Variants in SPTBN1 observed in about 807,000 individuals in gnomAD.
The protein encoded by SPTBN1 is spectrin beta chain, non-erythrocytic 1.
SPTBN1 carries 32 observed loss-of-function variants against 266.4 expected under a neutral mutation model. The ratio of observed to expected loss-of-function variants is 0.12; its 90% CI spans 0.09 to 0.16. The LOEUF (loss-of-function observed/expected upper bound fraction) is 0.16, where lower values mean the gene tolerates loss of function less well. SPTBN1 is among the 10% of genes least tolerant of loss of function. The pLI is 1.00. For synonymous variants in SPTBN1, 1,336 were observed against 1,162.2 expected (o/e 1.15, Z -3.04); for missense variants, 2,296 against 3,067.1 (o/e 0.75, Z 5.94).
intron 1 of SPTBN1, among the ~76,000 whole-genome samples, chr2:54,483,782 T>C (rs1000739221): frequency 6.6e-6 from 1 of 152,222 alleles, no homozygotes; most frequent in Non-Finnish European, 1.5e-5. Flanking sequence ...GAGTTTCTCC[T>C]GTTTTGTCAT....
At chr2:54,464,753 G>A (rs147790706) in intron 1 of SPTBN1, among the ~76,000 whole-genome samples, 31 of 152,070 alleles carry the variant, frequency 2.0e-4, no homozygotes, top group Non-Finnish European at 2.9e-5. Context: ...GCATTGGCAC[G>A]AACATGGCTC....
chr2:54,586,822 G>T (rs1287947279), intron 2 of SPTBN1, among the ~76,000 whole-genome samples: 1 of 152,194 alleles, frequency 6.6e-6, no homozygotes. Flanking sequence ...AATTGGTACT[G>T]TTATCTTGTT....
intron 1 of SPTBN1, among the ~76,000 whole-genome samples, chr2:54,517,748 C>G (rs1670196122): frequency 6.6e-6 from 1 of 151,870 alleles, no homozygotes; most frequent in Non-Finnish European, 1.5e-5. Flanking sequence ...CGGGTTCAAG[C>G]AATTCTGCTG....
rs764427649 is a variant in SPTBN1 at position 54,667,605 on chromosome 2, C to T, written c.6835C>T (p.Leu2279=). Residue 2279 remains leucine (L), a splice_region_variant and synonymous_variant, in exon 35 of 36, where the codon CTA becomes TTA. Transcript: ENST00000356805. ...KKKKHVFKLR[L]NDGNEYLFQA... is the part of the protein sequence containing the mutation. ...TAACTTTCTTCCTTGAAATTACAGACTAAATGATGGCAATGAGTACCTCTT... is the reference window on the plus strand; with the variant it reads ...TAACTTTCTTCCTTGAAATTACAGATTAAATGATGGCAATGAGTACCTCTT... 6 of 1,613,786 alleles carry T rather than the reference C, an allele frequency of 3.7e-6. No homozygotes were observed. The East Asian group carries it at 6.7e-5, about 18-fold the overall frequency.
At chr2:54,556,396 G>A (rs1232733784) in intron 2 of SPTBN1, among the ~76,000 whole-genome samples, 1 of 152,170 alleles carries the variant, frequency 6.6e-6, no homozygotes, top group African/African-American at 2.4e-5. Flanking sequence ...ATCATATTAT[G>A]TGCAACCTGG....
chr2:54,577,184 G>A (rs1558860703), intron 2 of SPTBN1, among the ~76,000 whole-genome samples: 1 of 152,078 alleles, frequency 6.6e-6, no homozygotes, highest in Non-Finnish European at 1.5e-5. Context: ...AGCAGCTGAT[G>A]TTGGTTAAAT....
intron 1 of SPTBN1, among the ~76,000 whole-genome samples, chr2:54,518,770 T>G (rs894543097): frequency 6.6e-6 from 1 of 152,244 alleles, no homozygotes. Context: ...TTATTTAATT[T>G]ATTTGAGCCT....
chr2:54,632,819 A>T, intron 17 of SPTBN1, 51 bp downstream of exon 17: 1 of 1,590,122 alleles, frequency 6.3e-7, no homozygotes, highest in Non-Finnish European at 8.6e-7. Context: ...GGGCTCTCAA[A>T]CTTCTGAATC....
chr2:54,579,919 G>A (rs1226413871), intron 2 of SPTBN1, among the ~76,000 whole-genome samples: 1 of 152,238 alleles, frequency 6.6e-6, no homozygotes. Flanking sequence ...TGCTGAACTT[G>A]AATGGGTGTT....
At chr2:54,641,853 G>C (rs779463156) in intron 18 of SPTBN1, among the ~76,000 whole-genome samples, 50 of 152,264 alleles carry the variant, frequency 3.3e-4, no homozygotes, top group Admixed American at 7.8e-4. Context: ...GGAGTGGAAG[G>C]GCCTTGGAAG....
At chr2:54,635,977 A>C (rs947288405) in intron 17 of SPTBN1, among the ~76,000 whole-genome samples, 1 of 152,226 alleles carries the variant, frequency 6.6e-6, no homozygotes, top group Non-Finnish European at 1.5e-5. Context: ...CTGATGATAG[A>C]TGGCAATGGC....
rs561476891 is a variant in SPTBN1 at position 54,559,186 on chromosome 2, C to T, written c.148+32620C>T. Among the ~76,000 whole-genome samples, 5 of 152,314 alleles carry T rather than the reference C, an allele frequency of 3.3e-5. No individual in the cohort carries two copies. In the East Asian group the frequency reaches 7.7e-4, roughly 24 times the overall value. On this transcript the variant is annotated intron_variant, in intron 2 of 35. Coordinates refer to ENST00000356805, the MANE Select transcript of SPTBN1 (RefSeq NM_003128.3). Reference sequence around the variant, plus strand: ...CTTTACCTCCTAGTAGATCAGTGCTCATAGACTTATTAGTATGCAGGTATT... The same window carrying T: ...CTTTACCTCCTAGTAGATCAGTGCTTATAGACTTATTAGTATGCAGGTATT...
In SPTBN1 at chr2:54,488,472, T is replaced by A. The variant is rs556599036; in HGVS notation, c.-48+31954T>A. Among the ~76,000 whole-genome samples, 3 of 152,346 alleles carry A rather than the reference T, an allele frequency of 2.0e-5. No individual in the cohort carries two copies. The East Asian group carries it at 5.8e-4, about 29-fold the overall frequency. On this transcript the variant is annotated intron_variant, in intron 1 of 35. Transcript: ENST00000356805. ...TTTATTTTTTATTTTTGGCAGTGTG[T>A]TGAATTCTCCTCTAGTTTCATTCAG...
chr2:54,609,570 T>G (rs1677077702), intron 3 of SPTBN1, among the ~76,000 whole-genome samples: 1 of 152,170 alleles, frequency 6.6e-6, no homozygotes, highest in African/African-American at 2.4e-5. Context: ...AACAAATCTT[T>G]CCATAGAGTT....
intron 24 of SPTBN1, among the ~76,000 whole-genome samples, chr2:54,648,135 T>C (rs1474170122): frequency 6.6e-6 from 1 of 152,194 alleles, no homozygotes; most frequent in African/African-American, 2.4e-5. Flanking sequence ...AAAGCAGTCA[T>C]TTTAGGATTT....
intron 4 of SPTBN1, among the ~76,000 whole-genome samples, chr2:54,613,189 A>G (rs12475598): frequency 0.29 from 43,888 of 152,082 alleles, 7,854 homozygotes; most frequent in Admixed American, 0.37. Context: ...TTGGAAAGGC[A>G]GGAACAACTT....
In SPTBN1 at chr2:54,664,384, C is replaced by A; in HGVS notation, c.6421-69C>A. On this transcript the variant is annotated intron_variant, in intron 32 of 35. Transcript: ENST00000356805. This position sits in a 1 kb window ranked among gnomAD's most constrained non-coding sequence, Gnocchi z 5.6. ...TTTATACACAGCCACATGTGCGAGT[C>A]AGGTAGAGCGTATGTGGTCACCCCC... The A allele has an allele frequency of 6.7e-7, 1 of 1,485,978 alleles. No individual in the cohort carries two copies. Among genetic ancestry groups the A allele is most frequent in the South Asian group, 1.2e-5 (1 of 80,628 alleles). The allele number at this position is 1,485,978 out of a possible 1,614,324, so 92.0% of individuals were successfully genotyped here. A position where few individuals can be genotyped will look rare whatever the true frequency, so the allele number is the denominator to read the frequency against.
At position 54,618,075 on chromosome 2, in the gene SPTBN1, C is replaced by T. The variant is rs759981290; in HGVS notation, c.648-3C>T. 1 of 1,611,134 alleles carries T rather than the reference C, an allele frequency of 6.2e-7. No homozygotes were observed. The highest frequency in any genetic ancestry group is 1.7e-5 in the Admixed American group (1 of 59,494). On this transcript the variant is annotated splice_polypyrimidine_tract_variant and splice_region_variant and intron_variant, in intron 6 of 35. Coordinates refer to ENST00000356805, the MANE Select transcript of SPTBN1 (RefSeq NM_003128.3). ...TGTTGTGTCCCACTGTTGTTCTGCA[C>T]AGGCCTGACCTGATAGATTTTGACA...
At chr2:54,556,368 C>A (rs918687535) in intron 2 of SPTBN1, among the ~76,000 whole-genome samples, 2 of 152,194 alleles carry the variant, frequency 1.3e-5, no homozygotes, top group African/African-American at 4.8e-5. Flanking sequence ...TGGCTACGTT[C>A]GTCCCAGCTC....
Sources: allele counts gnomAD v4.1 joint callset (sites outside exome capture counted in the v4.1 genomes callset), GRCh38; gene constraint gnomAD v4.1.1; non-coding constraint Gnocchi (gnomAD v3.1); transcripts MANE v1.5; gene names NCBI Gene and HGNC (gene_info 2026-07-23, HGNC 2026-07-21).